The following UNC13D variants were observed in gnomAD, a reference collection of about 807,000 sequenced individuals.
UNC13D encodes the protein protein unc-13 homolog D.
A neutral mutation model predicts 151.7 loss-of-function variants in UNC13D; 115 were observed. The ratio of observed to expected loss-of-function variants is 0.76; its 90% CI spans 0.65 to 0.88. UNC13D has a LOEUF of 0.88. Among genes scored for constraint, UNC13D ranks in the 40% least tolerant of loss-of-function variants. The pLI is 0.00. For missense variants in UNC13D, 1,369 were observed against 1,438.7 expected, an observed-to-expected ratio of 0.95 and a Z score of 0.78; for synonymous variants, 588 against 612.2, an observed-to-expected ratio of 0.96 and a Z score of 0.58.
rs755148397 is a variant in UNC13D at position 75,831,368 on chromosome 17, A to G, written c.2448-20T>C. The stretch of plus-strand genomic sequence containing the variant: ...AGGAGGCTGGGGCGGGGCCGGAGGG[A>G]TGCGGACACAGCACGGCAGGGCGGT... On this transcript the variant is annotated intron_variant, in intron 25 of 31. Coordinates refer to ENST00000207549, the MANE Select transcript of UNC13D (RefSeq NM_199242.3). 1 of 1,602,394 alleles carries G rather than the reference A, an allele frequency of 6.2e-7. No individual in the cohort carries two copies. Among genetic ancestry groups the G allele is most frequent in the Non-Finnish European group, 8.5e-7 (1 of 1,175,594 alleles).
At chr17:75,837,337 A>T (rs2064916441) in intron 12 of UNC13D, among the ~76,000 whole-genome samples, 1 of 150,590 alleles carries the variant, frequency 6.6e-6, no homozygotes, top group Non-Finnish European at 1.5e-5. Flanking sequence ...AAGTTCTGGG[A>T]TTACAGACAT....
rs1399341280 is a variant in UNC13D, at chr17:75,828,977, C to T, written c.2961G>A (p.Val987=). 3 of 1,602,908 alleles carry T rather than the reference C, an allele frequency of 1.9e-6. No homozygotes were observed. The change falls in exon 31 of 32, where the codon GTG becomes GTA. Residue 987 remains valine, a synonymous_variant. Transcript: ENST00000207549. ...PLFDETFEFL[V]PAEPCRKAGA... is the part of the protein sequence containing the mutation. ...CAGCCTTGCGGCACGGCTCAGCAGGCACCAGGCTGCGGGGAGAGTCAGGGC... is the reference window on the plus strand; with the variant it reads ...CAGCCTTGCGGCACGGCTCAGCAGGTACCAGGCTGCGGGGAGAGTCAGGGC...
Position 75,835,787 on chromosome 17 carries a change from A to G in UNC13D, c.1597-10T>C. The G allele has an allele frequency of 6.2e-7, 1 of 1,613,984 alleles. No individual in the cohort carries two copies. The highest frequency in any genetic ancestry group is 8.5e-7 in the Non-Finnish European group (1 of 1,180,020). The stretch of plus-strand genomic sequence containing the variant: ...GCACCCGCTTGGCCACCTGCAAAGG[A>G]AAGGTGTGGAGGGCGGGGCCCACAG... On this transcript the variant is annotated splice_polypyrimidine_tract_variant and intron_variant, in intron 18 of 31. Coordinates refer to ENST00000207549, the MANE Select transcript of UNC13D (RefSeq NM_199242.3).
chr17:75,835,129 T>G (rs1300660155), intron 20 of UNC13D, 66 bp from the exon 21 acceptor site: 1 of 1,594,250 alleles, frequency 6.3e-7, no homozygotes, highest in East Asian at 2.3e-5. Context: ...CCTTCATTCA[T>G]AGAGCAGCTA....
chr17:75,829,887 T>C (rs548388056), intron 30 of UNC13D, 141 bp downstream of exon 30: 1 of 1,337,362 alleles, frequency 7.5e-7, no homozygotes, highest in East Asian at 2.5e-5. Context: ...TGCAAACTCT[T>C]GTCCCAGATG....
intron 19 of UNC13D, 52 bp from the exon 20 acceptor site, chr17:75,835,581 T>C (rs2064902484): frequency 6.2e-7 from 1 of 1,609,908 alleles, no homozygotes; most frequent in Non-Finnish European, 8.5e-7. Flanking sequence ...CCATGGACCC[T>C]GGGGCCTCGT....
chr17:75,835,181 A>G, intron 20 of UNC13D, 118 bp from the exon 21 acceptor site: 2 of 1,524,608 alleles, frequency 1.3e-6, no homozygotes, highest in Non-Finnish European at 1.8e-6. Context: ...TTCACAAGAG[A>G]CAAGCACGGC....
At chr17:75,831,042 T>C in intron 27 of UNC13D, 56 bp downstream of exon 27, 1 of 1,602,662 alleles carries the variant, frequency 6.2e-7, no homozygotes, top group Non-Finnish European at 8.5e-7. Flanking sequence ...CATAGGTGAG[T>C]GCCAAAAGGC....
At chr17:75,835,593 C>T (rs2064902549) in intron 19 of UNC13D, 54 bp downstream of exon 19, 2 of 1,611,874 alleles carry the variant, frequency 1.2e-6, no homozygotes, top group South Asian at 1.1e-5. Context: ...GGGCCTCGTC[C>T]ACCCTCCCCT....
chr17:75,840,681 C>A lies in UNC13D; in HGVS notation c.683+81G>T, dbSNP rs935105979. ...CACCTGGACCCCAAAGGAGCCTGCA[C>A]CCCAGCATCCAGTGTGCATGTTGGG... On this transcript the variant is annotated intron_variant, in intron 8 of 31. Coordinates refer to ENST00000207549, the MANE Select transcript of UNC13D (RefSeq NM_199242.3). The surrounding 1 kb of genome is among the most constrained non-coding windows in gnomAD (Gnocchi z 4.6). 3 of 1,610,962 alleles carry A rather than the reference C, an allele frequency of 1.9e-6. No homozygotes were observed. Among genetic ancestry groups the A allele is most frequent in the Admixed American group, 1.7e-5 (1 of 60,010 alleles).
In UNC13D at chr17:75,843,086, C is replaced by T. The variant is rs2064960680; in HGVS notation, c.262-13G>A. ...CCACGTGGAAGGCCTGGTGGGGAGG[C>T]AGGCGGGTGGGTGGCTGGGGGCACC... On this transcript the variant is annotated splice_polypyrimidine_tract_variant and intron_variant, in intron 3 of 31. Transcript: ENST00000207549. 9 of 1,602,440 alleles carry T rather than the reference C, an allele frequency of 5.6e-6. No individual in the cohort carries two copies. Among genetic ancestry groups the T allele is most frequent in the East Asian group, 2.3e-5 (1 of 44,096 alleles).
rs1216484909 is a variant in UNC13D at position 75,833,193 on chromosome 17, C to T, written c.2368-148G>A. On this transcript the variant is annotated intron_variant, in intron 24 of 31. Transcript: ENST00000207549. This position sits in a 1 kb window ranked among gnomAD's most constrained non-coding sequence, Gnocchi z 4.0. ...GTCTGTAAGAGGCCGGCCTGCCCAC[C>T]TCTCTGCCTTCCCCTCTCCGTTGCT... 4 of 702,450 alleles carry T rather than the reference C, an allele frequency of 5.7e-6. No individual in the cohort carries two copies. Among genetic ancestry groups the T allele is most frequent in the African/African-American group, 5.3e-5 (3 of 56,780 alleles). The allele number at this position is 702,450 out of a possible 1,614,324, so 43.5% of individuals were successfully genotyped here.
At chr17:75,839,787 G>C in intron 12 of UNC13D, 52 bp downstream of exon 12, 4 of 1,583,144 alleles carry the variant, frequency 2.5e-6, no homozygotes, top group Non-Finnish European at 3.5e-6. Context: ...AGGAGGGCAG[G>C]GGGCGTGGGG....
intron 1 of UNC13D, chr17:75,843,761 A>G: frequency 3.5e-6 from 5 of 1,412,982 alleles, no homozygotes; most frequent in Non-Finnish European, 4.6e-6. Flanking sequence ...CCCGCACCCC[A>G]CCTCCCTCCC....
chr17:75,844,175 C>T (rs368966056), intron 1 of UNC13D, 46 bp downstream of exon 1: 1 of 1,601,772 alleles, frequency 6.2e-7, no homozygotes, highest in Non-Finnish European at 8.5e-7. Context: ...CCCGAGACCA[C>T]AGTGCTCCCC....
At chr17:75,842,788 T>C in intron 5 of UNC13D, 69 bp downstream of exon 5, 1 of 1,606,310 alleles carries the variant, frequency 6.2e-7, no homozygotes, top group Non-Finnish European at 8.5e-7. Flanking sequence ...CCAAGAGTCC[T>C]GGGCCAGGCT....
chr17:75,838,168 T>C (rs771719096), intron 12 of UNC13D, among the ~76,000 whole-genome samples: 2 of 151,286 alleles, frequency 1.3e-5, no homozygotes, highest in Admixed American at 6.6e-5. Flanking sequence ...CAGGCCTGAG[T>C]CGGCATCCTG....
chr17:75,830,585 T>C lies in UNC13D; in HGVS notation c.2702A>G (p.Gln901Arg). 1 of 1,561,470 alleles carries C rather than the reference T, an allele frequency of 6.4e-7. No individual in the cohort carries two copies. The highest frequency in any genetic ancestry group is 1.7e-4 in the Middle Eastern group (1 of 5,990). ...GCGAGGGAGGGGCCTCACCTGCTGC[T>C]GGATTCGGCTGCAGAAGTACTTCCG... ...LIRKYFCSRI[Q>R]QQAETTSEEL... Residue 901 changes from glutamine (Q) to arginine (R), a missense_variant, in exon 28 of 32, where the codon CAG becomes CGG. Around this residue, in one of 3 missense-constraint regions of UNC13D, gnomAD observed 807 missense variants for 795.5 expected, o/e 1.01. Coordinates refer to ENST00000207549, the MANE Select transcript of UNC13D (RefSeq NM_199242.3).
At chr17:75,830,999 C>T (rs1341980477) in intron 27 of UNC13D, 99 bp downstream of exon 27, 1 of 1,405,576 alleles carries the variant, frequency 7.1e-7, no homozygotes, top group South Asian at 1.2e-5. Flanking sequence ...TCATTTTGTA[C>T]TGGGCCCCAT....
Sources: gnomAD v4.1 joint callset for allele counts (sites outside exome capture counted in the v4.1 genomes callset) on GRCh38, gnomAD v4.1.1 for gene constraint, gnomAD v4.1.1 regional missense constraint, Gnocchi (gnomAD v3.1) non-coding constraint, MANE v1.5 for transcripts, NCBI Gene and HGNC (gene_info 2026-07-23, HGNC 2026-07-21) for gene names.